Variants in DIAPH3 observed in about 807,000 individuals in gnomAD.
DIAPH3 encodes protein diaphanous homolog 3.
DIAPH3 carries 117 observed loss-of-function variants against 144.3 expected under a neutral mutation model. That is an observed-to-expected ratio of 0.81 (90% CI 0.70 to 0.95). The LOEUF (loss-of-function observed/expected upper bound fraction) is 0.95, where lower values mean the gene tolerates loss of function less well. Ranked by LOEUF, DIAPH3 falls within the 40% of genes least tolerant of loss-of-function variation. The probability of loss-of-function intolerance (pLI) is 0.00; values close to 1 mark genes in which losing one functional copy is unlikely to be tolerated. For missense variants in DIAPH3, 1,421 were observed against 1,412.7 expected (o/e 1.01, Z -0.09); for synonymous variants, 519 against 488.9 (o/e 1.06, Z -0.81).
At chr13:59,893,308 T>C (rs1335014197) in intron 20 of DIAPH3, among the ~76,000 whole-genome samples, 23 of 152,188 alleles carry the variant, frequency 1.5e-4, no homozygotes, top group Non-Finnish European at 1.0e-4. Context: ...ACCCCTGCCG[T>C]ACTTTCAGAA....
chr13:59,789,136 T>TG lies in DIAPH3; in HGVS notation c.3164-14314dup, dbSNP rs560126489. Among the ~76,000 whole-genome samples the TG allele has an allele frequency of 3.3e-5, 5 of 151,664 alleles. No individual in the cohort carries two copies. The South Asian group carries it at 6.3e-4, about 19-fold the overall frequency. On this transcript the variant is annotated intron_variant, in intron 25 of 27. Transcript: ENST00000400324. Reference sequence around the variant, plus strand: ...TGCAAAAGCACAGAATGTCGGCGGGTGGGGGGGAATGTATCTATTTAAATA... The same window carrying TG: ...TGCAAAAGCACAGAATGTCGGCGGGTGGGGGGGGAATGTATCTATTTAAATA...
chr13:59,859,079 A>T (rs890337492), intron 22 of DIAPH3, among the ~76,000 whole-genome samples: 1 of 152,184 alleles, frequency 6.6e-6, no homozygotes, highest in African/African-American at 2.4e-5. Context: ...CTCCAAAGCA[A>T]ACACACTTAC....
chr13:60,108,537 C>A (rs2058482559), intron 3 of DIAPH3, among the ~76,000 whole-genome samples: 1 of 151,742 alleles, frequency 6.6e-6, no homozygotes, highest in Non-Finnish European at 1.5e-5. Context: ...ACCCGGGAGA[C>A]AGAAGTTGCA....
chr13:59,698,658 G>T (rs1017607066), intron 27 of DIAPH3, among the ~76,000 whole-genome samples: 1 of 152,126 alleles, frequency 6.6e-6, no homozygotes, highest in Non-Finnish European at 1.5e-5. Context: ...TTACCAAAAG[G>T]AATAGCACAA....
chr13:59,947,751 A>C (rs1213268871), intron 17 of DIAPH3, among the ~76,000 whole-genome samples: 2 of 151,842 alleles, frequency 1.3e-5, no homozygotes, highest in Admixed American at 6.6e-5. Context: ...AAAAACAAAC[A>C]AACCACAATC....
intron 22 of DIAPH3, among the ~76,000 whole-genome samples, chr13:59,843,371 A>G (rs981239158): frequency 3.3e-5 from 5 of 152,164 alleles, no homozygotes; most frequent in Admixed American, 1.3e-4. Context: ...AACTGAAGAT[A>G]GAGCTACCCC....
chr13:59,970,522 T>C (rs558556176), intron 16 of DIAPH3, among the ~76,000 whole-genome samples: 8 of 151,234 alleles, frequency 5.3e-5, no homozygotes, highest in African/African-American at 1.5e-4. Flanking sequence ...AACACCATCA[T>C]TTTTTTTTGA....
intron 2 of DIAPH3, among the ~76,000 whole-genome samples, chr13:60,119,771 A>AG (rs2058797868): frequency 7.1e-6 from 1 of 140,278 alleles, no homozygotes; most frequent in Non-Finnish European, 1.6e-5. Context: ...AAAAAAAAAA[A>AG]GAAATGATAA....
At chr13:59,707,759 C>G (rs998897767) in intron 27 of DIAPH3, among the ~76,000 whole-genome samples, 1 of 152,124 alleles carries the variant, frequency 6.6e-6, no homozygotes, top group African/African-American at 2.4e-5. Flanking sequence ...TGACATCTTT[C>G]CACCTACATC....
chr13:59,839,299 A>C (rs1380558489), intron 23 of DIAPH3, 25 bp downstream of exon 23: 1 of 1,611,910 alleles, frequency 6.2e-7, no homozygotes, highest in Admixed American at 1.7e-5. Context: ...TAGTGACTTA[A>C]GTTATTTAGC....
chr13:59,992,252 C>A, intron 10 of DIAPH3, 66 bp from the exon 11 acceptor site: 2 of 1,352,754 alleles, frequency 1.5e-6, no homozygotes. Context: ...GAATAAAAAA[C>A]ATATAAACAA....
At chr13:59,717,739 T>G (rs1177558060) in intron 27 of DIAPH3, among the ~76,000 whole-genome samples, 1 of 151,548 alleles carries the variant, frequency 6.6e-6, no homozygotes, top group Non-Finnish European at 1.5e-5. Context: ...ACCAAGAAAA[T>G]TATAGGTATA....
chr13:59,879,501 A>C, intron 20 of DIAPH3, 33 bp from the exon 21 acceptor site: 1 of 1,612,812 alleles, frequency 6.2e-7, no homozygotes, highest in Non-Finnish European at 8.5e-7. Context: ...ATTTCCTTTA[A>C]AATGCATGGT....
intron 3 of DIAPH3, among the ~76,000 whole-genome samples, chr13:60,095,103 G>A (rs765773688): frequency 6.6e-6 from 1 of 152,092 alleles, no homozygotes; most frequent in Non-Finnish European, 1.5e-5. Context: ...AGTTTGACCT[G>A]TACAGTAAAA....
At chr13:60,020,016 C>T (rs920536833) in intron 5 of DIAPH3, among the ~76,000 whole-genome samples, 2 of 152,000 alleles carry the variant, frequency 1.3e-5, no homozygotes, top group African/African-American at 4.8e-5. Context: ...GAATTATTAC[C>T]CTTATGATCT....
chr13:59,903,468 T>C (rs946773714), intron 20 of DIAPH3, among the ~76,000 whole-genome samples: 1 of 152,154 alleles, frequency 6.6e-6, no homozygotes, highest in African/African-American at 2.4e-5. Flanking sequence ...AAACAAGTAT[T>C]GTATAGAGTA....
At chr13:59,970,367 C>G in intron 16 of DIAPH3, among the ~76,000 whole-genome samples, 1 of 152,118 alleles carries the variant, frequency 6.6e-6, no homozygotes. Flanking sequence ...GTGGGCAGGA[C>G]ACATTATACA....
chr13:59,695,840 A>T (rs548845737), intron 27 of DIAPH3, among the ~76,000 whole-genome samples: 1 of 152,308 alleles, frequency 6.6e-6, no homozygotes, highest in South Asian at 2.1e-4. Context: ...AGCTGAGTCA[A>T]CCAATTAAAA....
intron 27 of DIAPH3, among the ~76,000 whole-genome samples, chr13:59,710,062 A>T (rs1234357517): frequency 1.3e-5 from 2 of 151,274 alleles, no homozygotes; most frequent in East Asian, 3.9e-4. Context: ...ACATGGACAC[A>T]GGAAGGGGAA....
Sources: gnomAD v4.1 joint callset for allele counts (sites outside exome capture counted in the v4.1 genomes callset) on GRCh38, gnomAD v4.1.1 for gene constraint, MANE v1.5 for transcripts, NCBI Gene and HGNC (gene_info 2026-07-23, HGNC 2026-07-21) for gene names.